Variants in LAMA4 observed in about 807,000 individuals in gnomAD.
LAMA4 encodes the protein laminin subunit alpha 4.
A neutral mutation model predicts 207.1 loss-of-function variants in LAMA4; 127 were observed. The ratio of observed to expected loss-of-function variants is 0.61; its 90% confidence interval spans 0.53 to 0.71. The LOEUF (loss-of-function observed/expected upper bound fraction) is 0.71, where lower values mean the gene tolerates loss of function less well. Ranked by LOEUF, LAMA4 falls within the 30% of genes least tolerant of loss-of-function variation. The probability of loss-of-function intolerance (pLI) is 0.00; values close to 1 mark genes in which losing one functional copy is unlikely to be tolerated. For missense variants in LAMA4, 2,093 were observed against 2,246.5 expected (o/e 0.93, Z 1.38); for synonymous variants, 761 against 816.0 (o/e 0.93, Z 1.15).
intron 38 of LAMA4, among the ~76,000 whole-genome samples, chr6:112,109,843 T>C (rs1777597933): frequency 6.6e-6 from 1 of 152,184 alleles, no homozygotes; most frequent in African/African-American, 2.4e-5. Flanking sequence ...AAGGCTGAAA[T>C]TTACCACTTA....
At chr6:112,248,498 CAAA>C (rs550634848) in intron 2 of LAMA4, among the ~76,000 whole-genome samples, 4 of 103,022 alleles carry the variant, frequency 3.9e-5, no homozygotes, top group African/African-American at 3.6e-5. Context: ...GACTCTGTCT[CAAA>C]AAAAAAAAAA....
intron 2 of LAMA4, chr6:112,218,728 G>A (rs1348477507): frequency 6.6e-6 from 1 of 152,242 alleles, no homozygotes; most frequent in Admixed American, 6.5e-5. Context: ...TTATGACCTT[G>A]GGTGAAGGAT....
chr6:112,190,354 C>T (rs570809281), intron 6 of LAMA4, among the ~76,000 whole-genome samples: 34 of 152,258 alleles, frequency 2.2e-4, no homozygotes, highest in African/African-American at 7.9e-4. Flanking sequence ...ATGCACATTG[C>T]TTTTTTGTAG....
intron 14 of LAMA4, among the ~76,000 whole-genome samples, chr6:112,157,565 G>T (rs1780793266): frequency 6.6e-6 from 1 of 152,138 alleles, no homozygotes; most frequent in Non-Finnish European, 1.5e-5. Flanking sequence ...TTGATATTTT[G>T]GATCATGTTT....
At chr6:112,213,896 G>A in intron 3 of LAMA4, 1 of 529,952 alleles carries the variant, frequency 1.9e-6, no homozygotes. Flanking sequence ...TTGCTTACAG[G>A]AAATGAGAGA....
At chr6:112,145,822 A>T (rs1779991031) in intron 18 of LAMA4, among the ~76,000 whole-genome samples, 1 of 152,226 alleles carries the variant, frequency 6.6e-6, no homozygotes, top group African/African-American at 2.4e-5. Context: ...GGCAGGGACC[A>T]CGGTATATAT....
At chr6:112,156,638 A>G (rs1780731083) in intron 14 of LAMA4, among the ~76,000 whole-genome samples, 2 of 152,256 alleles carry the variant, frequency 1.3e-5, no homozygotes, top group South Asian at 4.1e-4. Flanking sequence ...AGTCCCAAAC[A>G]TCGATGATTA....
At chr6:112,219,988 T>G (rs1365901067) in intron 2 of LAMA4, among the ~76,000 whole-genome samples, 1 of 152,170 alleles carries the variant, frequency 6.6e-6, no homozygotes, top group Non-Finnish European at 1.5e-5. Flanking sequence ...TTGTTGGACA[T>G]TTAGGTTATT....
At chr6:112,142,324 C>T (rs782704978) in intron 19 of LAMA4, 32 bp from the exon 20 acceptor site, 1 of 1,610,906 alleles carries the variant, frequency 6.2e-7, no homozygotes, top group Non-Finnish European at 8.5e-7. Flanking sequence ...ATTAAAAGTG[C>T]TTTGCAGAAA....
At chr6:112,226,792 G>A (rs1411619759) in intron 2 of LAMA4, among the ~76,000 whole-genome samples, 1 of 152,188 alleles carries the variant, frequency 6.6e-6, no homozygotes, top group Non-Finnish European at 1.5e-5. Flanking sequence ...CACAAGTGAA[G>A]ATATCTCTAA....
rs782504879 is a variant in LAMA4 at position 112,144,860 on chromosome 6, G to A, written c.2427C>T (p.Ser809=). ...LRTVEQKRPA[S]NVSASIQRIR... is the part of the protein sequence containing the mutation. ...TCCTCTGGATGCTGGCAGAAACGTTGCTTGCAGGTCGCTTCTGCTCAACCG... is the reference window on the plus strand; with the variant it reads ...TCCTCTGGATGCTGGCAGAAACGTTACTTGCAGGTCGCTTCTGCTCAACCG... The change falls in exon 19 of 39, where the codon AGC becomes AGT. Residue 809 remains serine (S), a synonymous_variant. Transcript: ENST00000230538. The A allele has an allele frequency of 6.2e-7, 1 of 1,614,008 alleles. No individual in the cohort carries two copies. Among genetic ancestry groups the A allele is most frequent in the Non-Finnish European group, 8.5e-7 (1 of 1,179,994 alleles).
At chr6:112,213,649 T>C (rs1024444346) in intron 3 of LAMA4, 21 of 177,694 alleles carry the variant, frequency 1.2e-4, no homozygotes, top group African/African-American at 4.7e-4. Flanking sequence ...ATGTGTAAAA[T>C]GGTAGCATAA....
intron 9 of LAMA4, among the ~76,000 whole-genome samples, chr6:112,183,559 T>C (rs1554345764): frequency 6.6e-6 from 1 of 152,168 alleles, no homozygotes; most frequent in Admixed American, 6.5e-5. Context: ...GTGGGGAAAT[T>C]GTACAACAAA....
intron 36 of LAMA4, 102 bp downstream of exon 36, chr6:112,115,761 A>C: frequency 8.1e-7 from 1 of 1,232,128 alleles, no homozygotes; most frequent in Non-Finnish European, 1.2e-6. Context: ...ATTTCTTTTC[A>C]GTTAGGAAAG....
intron 5 of LAMA4, 35 bp from the exon 6 acceptor site, chr6:112,191,885 A>T: frequency 6.8e-7 from 1 of 1,477,146 alleles, no homozygotes; most frequent in Non-Finnish European, 9.4e-7. Flanking sequence ...AATATTTAGC[A>T]TCATGGTTTT....
At chr6:112,226,180 A>T (rs868928620) in intron 2 of LAMA4, among the ~76,000 whole-genome samples, 1 of 152,090 alleles carries the variant, frequency 6.6e-6, no homozygotes, top group East Asian at 1.9e-4. Context: ...CTTCCAGTTC[A>T]TTCTTCATTA....
At chr6:112,201,882 G>A (rs1195354122) in intron 4 of LAMA4, among the ~76,000 whole-genome samples, 194 bp from the exon 5 acceptor site, 5 of 152,180 alleles carry the variant, frequency 3.3e-5, no homozygotes, top group African/African-American at 1.2e-4. Flanking sequence ...AATGCCACTT[G>A]TTGGTGGGAC....
chr6:112,150,494 TTC>T lies in LAMA4; in HGVS notation c.2173+15_2173+16del. The T allele has an allele frequency of 6.7e-7, 1 of 1,491,794 alleles. No individual in the cohort carries two copies. The highest frequency in any genetic ancestry group is 2.3e-5 in the East Asian group (1 of 44,316). The allele number at this position is 1,491,794 out of a possible 1,614,324, so 92.4% of individuals were successfully genotyped here. A position where few individuals can be genotyped will look rare whatever the true frequency, so the allele number is the denominator to read the frequency against. On this transcript the variant is annotated intron_variant, in intron 17 of 38. Transcript: ENST00000230538. ...AGTGAATCAACAGATGAGACTTCAA[TTC>T]TCTCTGATGCTTACCTCTCTCTGCT... is the stretch of plus-strand genomic sequence containing the variant.
chr6:112,156,775 A>AATCT (rs782043672), intron 14 of LAMA4, among the ~76,000 whole-genome samples: 19 of 152,166 alleles, frequency 1.2e-4, no homozygotes, highest in Non-Finnish European at 2.6e-4. Flanking sequence ...ATTGTTCCTC[A>AATCT]ATCTCCAGCA....
Sources: gnomAD v4.1 joint callset for allele counts (sites outside exome capture counted in the v4.1 genomes callset) on GRCh38, gnomAD v4.1.1 for gene constraint, MANE v1.5 for transcripts, NCBI Gene and HGNC (gene_info 2026-07-23, HGNC 2026-07-21) for gene names.